Variants in AFG2A observed in about 807,000 individuals in gnomAD.
AFG2A encodes the protein ATPase family gene 2 protein homolog A.
chr4:123,073,712 C>T, the AFG2A span, among the ~76,000 whole-genome samples: 12 of 152,016 alleles, frequency 7.9e-5, no homozygotes, highest in African/African-American at 2.4e-4. Flanking sequence ...AAGTTCACGT[C>T]GGATTTGTCA....
At chr4:123,250,330 A>C in the AFG2A span, among the ~76,000 whole-genome samples, 2 of 152,184 alleles carry the variant, frequency 1.3e-5, no homozygotes, top group Non-Finnish European at 2.9e-5. Flanking sequence ...GAAGAAAAGA[A>C]GGATATTGGT....
the AFG2A span, among the ~76,000 whole-genome samples, chr4:123,306,158 A>G: frequency 1.3e-5 from 2 of 152,314 alleles, no homozygotes; most frequent in African/African-American, 4.8e-5. Flanking sequence ...CCCACATTTG[A>G]AACTAATTAC....
At chr4:123,023,328 G>A in the AFG2A span, among the ~76,000 whole-genome samples, 2 of 152,002 alleles carry the variant, frequency 1.3e-5, no homozygotes, top group Admixed American at 1.3e-4. Context: ...ATATACTTGT[G>A]TAACAAACTG....
At chr4:123,300,752 G>T in the AFG2A span, among the ~76,000 whole-genome samples, 323 of 146,250 alleles carry the variant, frequency 2.2e-3, 1 homozygote, top group African/African-American at 7.7e-3. Context: ...TGTTTTTTTT[G>T]TTTTTTTTTT....
chr4:123,173,151 G>A, the AFG2A span, among the ~76,000 whole-genome samples: 1 of 151,706 alleles, frequency 6.6e-6, no homozygotes, highest in African/African-American at 2.4e-5. Context: ...GATTTTCAGG[G>A]GATGTAACTC....
chr4:122,955,643 A>T, the AFG2A span, among the ~76,000 whole-genome samples: 1 of 148,952 alleles, frequency 6.7e-6, no homozygotes, highest in Admixed American at 6.7e-5. Context: ...CAGTTAGGAA[A>T]AGAAAACTTG....
At chr4:123,072,697 G>A in the AFG2A span, among the ~76,000 whole-genome samples, 1 of 152,152 alleles carries the variant, frequency 6.6e-6, no homozygotes, top group Non-Finnish European at 1.5e-5. Flanking sequence ...AATGCAGTAT[G>A]TGCAACACAA....
At chr4:123,284,849 C>T in the AFG2A span, among the ~76,000 whole-genome samples, 3 of 152,140 alleles carry the variant, frequency 2.0e-5, no homozygotes, top group African/African-American at 4.8e-5. Flanking sequence ...TAAGTTCATA[C>T]GAATGCCAGG....
the AFG2A span, among the ~76,000 whole-genome samples, chr4:123,000,125 G>C: frequency 3.3e-5 from 5 of 149,668 alleles, no homozygotes; most frequent in Non-Finnish European, 5.9e-5. Flanking sequence ...TGGTGTATAA[G>C]AATGCTTGTG....
the AFG2A span, among the ~76,000 whole-genome samples, chr4:123,174,872 C>G: frequency 6.6e-6 from 1 of 151,888 alleles, no homozygotes; most frequent in South Asian, 2.1e-4. Context: ...GCTTTGTCAT[C>G]CAGGTTGGAG....
the AFG2A span, among the ~76,000 whole-genome samples, chr4:122,952,907 T>C: frequency 2.6e-4 from 39 of 152,150 alleles, no homozygotes; most frequent in Admixed American, 2.2e-3. Context: ...GGAGGTGATA[T>C]TGGGAACATG....
the AFG2A span, among the ~76,000 whole-genome samples, chr4:123,059,904 G>C: frequency 6.6e-6 from 1 of 152,204 alleles, no homozygotes; most frequent in Non-Finnish European, 1.5e-5. Context: ...CTGATGGCCA[G>C]TGATGGTGAG....
the AFG2A span, among the ~76,000 whole-genome samples, chr4:123,253,761 G>T: frequency 4.6e-5 from 7 of 152,144 alleles, no homozygotes; most frequent in African/African-American, 1.7e-4. Flanking sequence ...TTATGATGTG[G>T]TGGGTTTAAC....
the AFG2A span, among the ~76,000 whole-genome samples, chr4:123,118,295 TTATG>T: frequency 1.4e-5 from 1 of 71,272 alleles, no homozygotes; most frequent in African/African-American, 5.3e-5. Flanking sequence ...AAATATATGT[TTATG>T]TGTGTGTATA....
At chr4:122,932,981 G>T in the AFG2A span, among the ~76,000 whole-genome samples, 1 of 152,148 alleles carries the variant, frequency 6.6e-6, no homozygotes, top group African/African-American at 2.4e-5. Flanking sequence ...AAATGTTTTT[G>T]CCTATGACAA....
At chr4:122,961,466 G>A in the AFG2A span, among the ~76,000 whole-genome samples, 6 of 152,156 alleles carry the variant, frequency 3.9e-5, no homozygotes, top group Non-Finnish European at 8.8e-5. Flanking sequence ...AGAATATGCA[G>A]ACTAGAGATA....
the AFG2A span, among the ~76,000 whole-genome samples, chr4:122,947,053 T>C: frequency 2.6e-5 from 4 of 151,884 alleles, no homozygotes; most frequent in Non-Finnish European, 5.9e-5. Flanking sequence ...AAGTAATAAA[T>C]GTATAATAAA....
At chr4:123,205,218 G>T in the AFG2A span, among the ~76,000 whole-genome samples, 20 of 152,120 alleles carry the variant, frequency 1.3e-4, no homozygotes, top group African/African-American at 4.8e-4. Flanking sequence ...GAATGTCAGG[G>T]AGTACAGTGG....
At chr4:123,078,097 G>A in the AFG2A span, among the ~76,000 whole-genome samples, 3 of 152,168 alleles carry the variant, frequency 2.0e-5, no homozygotes, top group East Asian at 1.9e-4. Flanking sequence ...TAAGGCACTT[G>A]GATAGGCATT....
Sources: allele counts gnomAD v4.1 joint callset (sites outside exome capture counted in the v4.1 genomes callset), GRCh38; gene constraint gnomAD v4.1.1; transcripts MANE v1.5; gene names NCBI Gene and HGNC (gene_info 2026-07-23, HGNC 2026-07-21).